Variants in PPARGC1A observed in about 807,000 individuals in gnomAD.
The protein encoded by PPARGC1A is PPARG coactivator 1 alpha.
Under a neutral mutation model 88.7 loss-of-function variants are expected in PPARGC1A, and 25 were observed. That is an observed-to-expected ratio of 0.28 (90% CI 0.21 to 0.39). The LOEUF is 0.39. PPARGC1A is among the 10% of genes least tolerant of loss of function. The probability of loss-of-function intolerance (pLI) is 1.00; values close to 1 mark genes in which losing one functional copy is unlikely to be tolerated. For missense variants in PPARGC1A, 880 were observed against 968.7 expected (o/e 0.91, Z 1.22); for synonymous variants, 363 against 355.6 (o/e 1.02, Z -0.24).
chr4:24,369,824 C>T, the PPARGC1A span, among the ~76,000 whole-genome samples: 1 of 152,188 alleles, frequency 6.6e-6, no homozygotes, highest in East Asian at 1.9e-4. Context: ...TCGTGCCCGC[C>T]AACCCTCCGA....
At chr4:24,009,150 A>AAAAAAAAAAAAAAGAGAG in the PPARGC1A span, among the ~76,000 whole-genome samples, 32 of 79,796 alleles carry the variant, frequency 4.0e-4, no homozygotes, top group African/African-American at 5.9e-4. Flanking sequence ...AAAAAAAAAA[A>AAAAAAAAAAAAAAGAGAG]AGAGAGAGAA....
At chr4:24,019,282 T>C in the PPARGC1A span, among the ~76,000 whole-genome samples, 1 of 152,184 alleles carries the variant, frequency 6.6e-6, no homozygotes, top group South Asian at 2.1e-4. Context: ...ATAATAGAAA[T>C]AATTATATTT....
At chr4:24,234,430 G>A in the PPARGC1A span, among the ~76,000 whole-genome samples, 1 of 152,202 alleles carries the variant, frequency 6.6e-6, no homozygotes, top group Non-Finnish European at 1.5e-5. Context: ...TTACAGGCAT[G>A]AGGTCAATGC....
At chr4:24,383,487 T>C in the PPARGC1A span, among the ~76,000 whole-genome samples, 1 of 151,976 alleles carries the variant, frequency 6.6e-6, no homozygotes, top group South Asian at 2.1e-4. Context: ...GAAAAAAGGA[T>C]AGAGGAATCA....
chr4:24,322,294 AAAAAG>A, the PPARGC1A span, among the ~76,000 whole-genome samples: 1 of 152,228 alleles, frequency 6.6e-6, no homozygotes, highest in Non-Finnish European at 1.5e-5. Flanking sequence ...AGTATTTTTT[AAAAAG>A]AAAAGAAAAG....
At chr4:23,924,750 C>G in the PPARGC1A span, among the ~76,000 whole-genome samples, 1 of 152,180 alleles carries the variant, frequency 6.6e-6, no homozygotes, top group African/African-American at 2.4e-5. Context: ...CTCACAGTTG[C>G]TTATTGAATT....
chr4:23,947,853 T>C, the PPARGC1A span, among the ~76,000 whole-genome samples: 1 of 152,128 alleles, frequency 6.6e-6, no homozygotes, highest in East Asian at 1.9e-4. Context: ...GGAAATTATA[T>C]GGTTTTTCTT....
chr4:23,951,310 C>A, the PPARGC1A span, among the ~76,000 whole-genome samples: 3 of 152,014 alleles, frequency 2.0e-5, no homozygotes, highest in Admixed American at 6.6e-5. Context: ...GGGAACAGCA[C>A]AAACAAACCC....
the PPARGC1A span, among the ~76,000 whole-genome samples, chr4:24,369,927 T>C: frequency 6.6e-6 from 1 of 152,190 alleles, no homozygotes; most frequent in African/African-American, 2.4e-5. Flanking sequence ...TGGAGGCTAG[T>C]AGGTGGGCTC....
At chr4:23,821,362 A>C (rs1164027694) in intron 7 of PPARGC1A, among the ~76,000 whole-genome samples, 1 of 152,126 alleles carries the variant, frequency 6.6e-6, no homozygotes, top group Non-Finnish European at 1.5e-5. Context: ...AATTGTAGTC[A>C]TAGAAGTAGC....
chr4:24,300,369 C>CTTTTTTTTTTTT, the PPARGC1A span, among the ~76,000 whole-genome samples: 1 of 44,754 alleles, frequency 2.2e-5, no homozygotes, highest in African/African-American at 7.7e-5. Context: ...TTTTTTTTTG[C>CTTTTTTTTTTTT]TTAAGTTAAA....
intron 12 of PPARGC1A, among the ~76,000 whole-genome samples, chr4:23,799,145 G>A (rs1455057943): frequency 6.6e-6 from 1 of 152,064 alleles, no homozygotes; most frequent in Non-Finnish European, 1.5e-5. Context: ...ATATTCTTAT[G>A]CCCTGAAATG....
At chr4:24,029,644 T>C in the PPARGC1A span, among the ~76,000 whole-genome samples, 13 of 152,252 alleles carry the variant, frequency 8.5e-5, no homozygotes, top group African/African-American at 2.4e-4. Flanking sequence ...CCCTTCTCCA[T>C]CCTCCTTTGC....
At chr4:24,444,891 A>G in the PPARGC1A span, among the ~76,000 whole-genome samples, 1 of 152,104 alleles carries the variant, frequency 6.6e-6, no homozygotes, top group African/African-American at 2.4e-5. Flanking sequence ...TGTCTCTAGA[A>G]AAGTTGTAAA....
At chr4:23,892,613 G>A (rs1718022588), upstream of PPARGC1A, among the ~76,000 whole-genome samples, 2 of 149,360 alleles carry the variant, frequency 1.3e-5, no homozygotes, top group Non-Finnish European at 3.0e-5. Flanking sequence ...TTTTTTTCTG[G>A]TTCCCCGGGC....
the PPARGC1A span, among the ~76,000 whole-genome samples, chr4:24,168,409 AAAGAT>A: frequency 1.6e-3 from 242 of 152,324 alleles, 1 homozygote; most frequent in Non-Finnish European, 2.5e-3. Context: ...TGTTTGTGTT[AAAGAT>A]AAGATAACTC....
At chr4:23,913,681 A>T in the PPARGC1A span, among the ~76,000 whole-genome samples, 1 of 152,216 alleles carries the variant, frequency 6.6e-6, no homozygotes, top group Non-Finnish European at 1.5e-5. Context: ...TTAAAATGCT[A>T]ACTGAACAAC....
At chr4:24,277,746 A>G in the PPARGC1A span, among the ~76,000 whole-genome samples, 1 of 152,200 alleles carries the variant, frequency 6.6e-6, no homozygotes, top group Non-Finnish European at 1.5e-5. Context: ...AACATGAGCT[A>G]GCAGGGGGGT....
the PPARGC1A span, among the ~76,000 whole-genome samples, chr4:24,006,997 CATCT>C: frequency 3.3e-5 from 5 of 152,106 alleles, no homozygotes; most frequent in Admixed American, 6.6e-5. Flanking sequence ...CACATTGTGT[CATCT>C]ATTATTTTGA....
Sources: gnomAD v4.1 joint callset for allele counts (sites outside exome capture counted in the v4.1 genomes callset) on GRCh38, gnomAD v4.1.1 for gene constraint, MANE v1.5 for transcripts, NCBI Gene and HGNC (gene_info 2026-07-23, HGNC 2026-07-21) for gene names.